The following UGT2A2 variants were observed in gnomAD, a reference collection of about 807,000 sequenced individuals.
The protein encoded by UGT2A2 is UDP-glucuronosyltransferase 2A2.
In UGT2A2, 60 loss-of-function variants were observed where a neutral mutation model predicts 50.7. The observed-to-expected ratio is 1.18, with a 90% CI of 0.96 to 1.47. UGT2A2 has a LOEUF of 1.47. UGT2A2 is among the 40% of genes most tolerant of loss of function. UGT2A2 has a pLI of 0.00. For synonymous variants in UGT2A2, 242 were observed against 214.6 expected, an observed-to-expected ratio of 1.13 and a Z score of -1.11; for missense variants, 762 against 634.0, an observed-to-expected ratio of 1.20 and a Z score of -2.17.
rs150102749 is a variant in UGT2A2, at chr4:69,593,261, T to C, written c.1331+1216A>G. 8.5e-3 allele frequency among the ~76,000 whole-genome samples: 1,289 copies of C among 152,116 alleles called. 25 individuals are homozygous for C. Among genetic ancestry groups the C allele is most frequent in the African/African-American group, 0.028 (1,155 of 41,532 alleles). On this transcript the variant is annotated intron_variant, in intron 5 of 5. Coordinates refer to ENST00000604629, the MANE Select transcript of UGT2A2 (RefSeq NM_001105677.2). ...ATATTTTGGAATAAATAATCTCTAA[T>C]TCAACGGTGAACACTGAGTCCCTTA...
intron 2 of UGT2A2, 93 bp downstream of exon 2, chr4:69,599,153 C>T: frequency 6.9e-7 from 1 of 1,443,056 alleles, no homozygotes; most frequent in Non-Finnish European, 9.1e-7. Flanking sequence ...AAATGTCCAG[C>T]AGCATTTATT....
intron 1 of UGT2A2, among the ~76,000 whole-genome samples, chr4:69,602,289 G>A (rs1288349558): frequency 7.4e-6 from 1 of 135,782 alleles, no homozygotes; most frequent in East Asian, 2.1e-4. Flanking sequence ...ACCAACAAAG[G>A]CACTCCAAAC....
chr4:69,634,449 C>T (rs531781638), intron 1 of UGT2A2, among the ~76,000 whole-genome samples: 1 of 151,904 alleles, frequency 6.6e-6, no homozygotes, highest in Non-Finnish European at 1.5e-5. Context: ...GCAATAAATA[C>T]AACACTGGGC....
chr4:69,615,249 A>G (rs1560479968), intron 1 of UGT2A2, among the ~76,000 whole-genome samples: 1 of 152,070 alleles, frequency 6.6e-6, no homozygotes, highest in Non-Finnish European at 1.5e-5. Context: ...CTAATCTTTA[A>G]GTTAAATCTC....
intron 1 of UGT2A2, among the ~76,000 whole-genome samples, chr4:69,601,081 T>C (rs6846404): frequency 0.39 from 59,974 of 151,894 alleles, 12,162 homozygotes; most frequent in African/African-American, 0.48. Flanking sequence ...GCTAGTGGAA[T>C]ACTGCAAATG....
intron 1 of UGT2A2, among the ~76,000 whole-genome samples, chr4:69,629,843 C>T (rs545658379): frequency 6.6e-5 from 10 of 152,136 alleles, no homozygotes; most frequent in East Asian, 3.9e-4. Context: ...TCCTGTGAGT[C>T]TTTCTAGTGA....
intron 1 of UGT2A2, among the ~76,000 whole-genome samples, chr4:69,612,020 T>C (rs532740434): frequency 7.2e-5 from 11 of 152,192 alleles, no homozygotes; most frequent in African/African-American, 2.2e-4. Flanking sequence ...AGAATTAACA[T>C]AGTCAGCACT....
rs187310309 is a variant in UGT2A2 at position 69,631,352 on chromosome 4, T to C, written c.742+7547A>G. On this transcript the variant is annotated intron_variant, in intron 1 of 5. Coordinates refer to ENST00000604629, the MANE Select transcript of UGT2A2 (RefSeq NM_001105677.2). ...TTTTATCATAAAATTAAAATGATAA[T>C]ATTTTGTAAATATATTGTGAAAATT... Among the ~76,000 whole-genome samples, 397 of 152,224 alleles carry C rather than the reference T, an allele frequency of 2.6e-3. 2 individuals are homozygous for C. The highest frequency in any genetic ancestry group is 1.8e-3 in the Admixed American group (27 of 15,292).
chr4:69,637,291 G>A (rs1247742174), intron 1 of UGT2A2, among the ~76,000 whole-genome samples: 2 of 151,638 alleles, frequency 1.3e-5, no homozygotes, highest in East Asian at 1.9e-4. Context: ...TTTTATATGT[G>A]GTATATTTAA....
At chr4:69,597,117 T>G (rs1334641407) in intron 2 of UGT2A2, among the ~76,000 whole-genome samples, 2 of 152,196 alleles carry the variant, frequency 1.3e-5, no homozygotes, top group Non-Finnish European at 2.9e-5. Flanking sequence ...ATTAATAAAT[T>G]TATCGGTTCC....
intron 1 of UGT2A2, among the ~76,000 whole-genome samples, chr4:69,618,071 T>C (rs1423871346): frequency 3.9e-5 from 6 of 151,982 alleles, no homozygotes; most frequent in African/African-American, 1.4e-4. Context: ...TCTAAATAGA[T>C]TCAAATTAAA....
chr4:69,627,124 TACTG>T (rs1331447252), intron 1 of UGT2A2, among the ~76,000 whole-genome samples: 1 of 151,946 alleles, frequency 6.6e-6, no homozygotes, highest in Non-Finnish European at 1.5e-5. Flanking sequence ...TATTTGCACA[TACTG>T]ACACACACAT....
chr4:69,629,472 A>G (rs756942070), intron 1 of UGT2A2, among the ~76,000 whole-genome samples: 6 of 152,032 alleles, frequency 3.9e-5, no homozygotes, highest in Non-Finnish European at 5.9e-5. Context: ...GTTTGACTAG[A>G]TAGTTTATGT....
intron 1 of UGT2A2, among the ~76,000 whole-genome samples, chr4:69,629,917 A>C (rs1721291729): frequency 6.6e-6 from 1 of 152,098 alleles, no homozygotes; most frequent in Non-Finnish European, 1.5e-5. Flanking sequence ...ATTTTGGTAA[A>C]ACAAAATGTA....
chr4:69,622,394 G>A (rs917865602), intron 1 of UGT2A2, among the ~76,000 whole-genome samples: 1 of 151,392 alleles, frequency 6.6e-6, no homozygotes, highest in Non-Finnish European at 1.5e-5. Flanking sequence ...GAAAAAATAC[G>A]AATTATTTAA....
rs942901708 is a variant in UGT2A2 at position 69,605,192 on chromosome 4, G to A, written c.743-5798C>T. 5.1e-5 allele frequency among the ~76,000 whole-genome samples: 7 copies of A among 136,792 alleles called. 1 individual carries two copies. Among genetic ancestry groups the A allele is most frequent in the Non-Finnish European group, 9.3e-5 (6 of 64,360 alleles). 89.7% of individuals were successfully genotyped at this position (136,792 alleles called of 152,430 possible). A position where few individuals can be genotyped will look rare whatever the true frequency, so the allele number is the denominator to read the frequency against. Reference sequence around the variant, plus strand: ...GGAAGTAAAGCACTCCTCAGCAAATGTAAAAGAACAGAAATTATAACAAAC... The same window carrying A: ...GGAAGTAAAGCACTCCTCAGCAAATATAAAAGAACAGAAATTATAACAAAC... On this transcript the variant is annotated intron_variant, in intron 1 of 5. Coordinates refer to ENST00000604629, the MANE Select transcript of UGT2A2 (RefSeq NM_001105677.2).
rs2109907225 is a variant in UGT2A2, at chr4:69,607,004, T to A, written c.743-7610A>T. ...AATGGCCATACTGCCCAAGGTCATT[T>A]ATAGATTCAATGCCATCCCCATCAA... On this transcript the variant is annotated intron_variant, in intron 1 of 5. Transcript: ENST00000604629. Among the ~76,000 whole-genome samples, 2 of 136,336 alleles carry A rather than the reference T, an allele frequency of 1.5e-5. 1 individual carries two copies. The highest frequency in any genetic ancestry group is 4.8e-4 in the South Asian group (2 of 4,142). 89.4% of individuals were successfully genotyped at this position (136,336 alleles called of 152,430 possible). A position where few individuals can be genotyped will look rare whatever the true frequency, so the allele number is the denominator to read the frequency against.
chr4:69,593,976 TGTTTG>T lies in UGT2A2; in HGVS notation c.1331+496_1331+500del, dbSNP rs373669327. 2.2e-4 allele frequency among the ~76,000 whole-genome samples: 27 copies of T among 122,100 alleles called. 1 individual carries two copies. Among genetic ancestry groups the T allele is most frequent in the East Asian group, 5.5e-4 (2 of 3,650 alleles). The allele number at this position is 122,100 out of a possible 152,430, so 80.1% of individuals were successfully genotyped here. Reference sequence around the variant, plus strand: ...AAATAATATTTGAAGTCTTTTTTTTTGTTTGTTTTTTTTTTTGAGACTGAGTCTTG... The same window carrying T: ...AAATAATATTTGAAGTCTTTTTTTTTTTTTTTTTTTTGAGACTGAGTCTTG... On this transcript the variant is annotated intron_variant, in intron 5 of 5. Transcript: ENST00000604629.
intron 1 of UGT2A2, chr4:69,599,693 GAA>G (rs1240333196): frequency 2.5e-3 from 473 of 188,128 alleles, no homozygotes; most frequent in East Asian, 4.8e-3. Flanking sequence ...TAGAAATAAA[GAA>G]AGAGAGAGAG....
Sources: allele counts gnomAD v4.1 joint callset (sites outside exome capture counted in the v4.1 genomes callset), GRCh38; gene constraint gnomAD v4.1.1; transcripts MANE v1.5; gene names NCBI Gene and HGNC (gene_info 2026-07-23, HGNC 2026-07-21).